Variants in ASB16 observed in about 807,000 individuals in gnomAD.
The protein encoded by ASB16 is ankyrin repeat and SOCS box containing 16.
Under a neutral mutation model 39.1 loss-of-function variants are expected in ASB16, and 44 were observed. The observed-to-expected ratio is 1.13, with a 90% CI of 0.88 to 1.45. The LOEUF (loss-of-function observed/expected upper bound fraction) is 1.45, where lower values mean the gene tolerates loss of function less well. ASB16 is among the 40% of genes most tolerant of loss of function. The probability of loss-of-function intolerance (pLI) is 0.00; values close to 1 mark genes in which losing one functional copy is unlikely to be tolerated. For missense variants in ASB16, 698 were observed against 634.5 expected (o/e 1.10, Z -1.07); for synonymous variants, 305 against 286.7 (o/e 1.06, Z -0.64).
At chr17:44,172,525 T>C (rs931624332) in intron 2 of ASB16, among the ~76,000 whole-genome samples, 8 of 152,184 alleles carry the variant, frequency 5.3e-5, no homozygotes, top group Non-Finnish European at 7.4e-5. Context: ...CAAGGTCACA[T>C]CTGCTAAGCC....
intron 1 of ASB16, among the ~76,000 whole-genome samples, chr17:44,171,561 T>TCAAAAAAAAA (rs2054242890): frequency 3.4e-4 from 33 of 97,678 alleles, no homozygotes; most frequent in South Asian, 2.9e-3. Context: ...AGACCCTGCC[T>TCAAAAAAAAA]AAAAAAAAAA....
rs752595469 is a variant in ASB16, at chr17:44,171,024, G to A, written c.235G>A (p.Asp79Asn). The stretch of plus-strand genomic sequence containing the variant: ...GCAGCAGGTCCAAGCCCTGTTCCAA[G>A]ATGAAGAGGCCGCCAACATGATTGT... ...NLQQVQALFQ[D>N]EEAANMIVET... is the part of the protein sequence containing the mutation. The change falls in exon 1 of 5, where the codon GAT (aspartate) becomes AAT (asparagine). Residue 79 changes from aspartate to asparagine, a missense_variant. Coordinates refer to ENST00000293414, the MANE Select transcript of ASB16 (RefSeq NM_080863.5). The A allele has an allele frequency of 2.5e-6, 4 of 1,613,962 alleles. No homozygotes were observed. In the Admixed American group the frequency reaches 6.7e-5, roughly 27 times the overall value.
At chr17:44,176,683 G>C (rs781000390) in intron 2 of ASB16, 55 bp from the exon 3 acceptor site, 14 of 1,613,342 alleles carry the variant, frequency 8.7e-6, no homozygotes, top group African/African-American at 1.3e-5. Context: ...ACAGCAAGCT[G>C]AAGGGGTCCC....
Position 44,177,874 on chromosome 17 carries a change from G to A in ASB16, c.1176+152G>A, listed in dbSNP as rs79692306. ...TGGGTTTCAGGGTACCCCCTCCCCC[G>A]GTACCCCAGGCTGACCCCTAACTCC... On this transcript the variant is annotated intron_variant, in intron 4 of 4. Coordinates refer to ENST00000293414, the MANE Select transcript of ASB16 (RefSeq NM_080863.5). The A allele has an allele frequency of 2.7e-3, 3,038 of 1,107,500 alleles. 58 individuals are homozygous for A. In the African/African-American group the frequency reaches 0.042, roughly 15 times the overall value. The allele number at this position is 1,107,500 out of a possible 1,614,324, so 68.6% of individuals were successfully genotyped here.
rs755941532 is a variant in ASB16 at position 44,176,787 on chromosome 17, G to A, written c.619G>A (p.Gly207Ser). Residue 207 changes from glycine to serine, a missense_variant, in exon 3 of 5, where the codon GGC becomes AGC. Gly to Ser is a moderately conservative substitution (Grantham distance 56). Transcript: ENST00000293414. ...AGGAGCGACGGTGAACCTGGCAGCA[G>A]GCGAGAGCCAGGAGACGCCCCTGCA... ...EAGATVNLAAGESQETPLHVA... is the reference protein window; with the variant it reads ...EAGATVNLAASESQETPLHVA... 4 of 1,613,948 alleles carry A rather than the reference G, an allele frequency of 2.5e-6. No homozygotes were observed. The South Asian group carries it at 4.4e-5, about 18-fold the overall frequency.
In ASB16 at chr17:44,172,120, TG is replaced by T. The variant is rs996161207; in HGVS notation, c.377del (p.Cys126LeufsTer5). ...AIATARGYTD[C>X]ARHLIRQGAE... ...CGCTACAGCCCGAGGCTACACAGAC[TG>T]TGCTCGACACCTGATCCGGCAGGGA... On this transcript the variant is annotated frameshift_variant, in exon 2 of 5. Transcript: ENST00000293414. LOFTEE classifies it high-confidence loss of function. 1.9e-6 allele frequency: 3 copies of T among 1,611,550 alleles called. No individual in the cohort carries two copies. Among genetic ancestry groups the T allele is most frequent in the Non-Finnish European group, 2.5e-6 (3 of 1,179,948 alleles).
intron 2 of ASB16, among the ~76,000 whole-genome samples, chr17:44,173,101 A>C (rs1479399472): frequency 6.8e-6 from 1 of 147,834 alleles, no homozygotes; most frequent in East Asian, 2.0e-4. Flanking sequence ...AAAAAAAAAA[A>C]AAAAAAGCCG....
Position 44,178,400 on chromosome 17 carries a change from C to G in ASB16, c.*10C>G. ...GGGGTGCATCCAGTGAACCCCATGT[C>G]AGGCTGTCCCATGGTGTGTTCTGCC... On this transcript the variant is annotated 3_prime_UTR_variant, in exon 5 of 5. Transcript: ENST00000293414. 6.3e-7 allele frequency: 1 copy of G among 1,575,168 alleles called. No individual in the cohort carries two copies. The highest frequency in any genetic ancestry group is 1.8e-4 in the Middle Eastern group (1 of 5,600).
At chr17:44,177,487 G>C in intron 3 of ASB16, 122 bp from the exon 4 acceptor site, 1 of 1,321,940 alleles carries the variant, frequency 7.6e-7, no homozygotes, top group Non-Finnish European at 1.0e-6. Context: ...ACAAAAAAGG[G>C]AAGAGAGACT....
Position 44,177,049 on chromosome 17 carries a change from A to G in ASB16, c.881A>G (p.Asn294Ser), listed in dbSNP as rs7212854. The G allele has an allele frequency of 0.29, 422,358 of 1,473,536 alleles. 66,355 individuals are homozygous for G. The highest frequency in any genetic ancestry group is 0.64 in the East Asian group (23,328 of 36,260). 91.3% of individuals were successfully genotyped at this position (1,473,536 alleles called of 1,614,324 possible). A position where few individuals can be genotyped will look rare whatever the true frequency, so the allele number is the denominator to read the frequency against. Residue 294 changes from asparagine (N) to serine (S), a missense_variant, in exon 3 of 5, where the codon AAC becomes AGC. Physicochemically the swap from Asn to Ser is conservative, Grantham distance 46. Transcript: ENST00000293414. Reference sequence around the variant, plus strand: ...ACGCCGCTGCACAACGCTTGTGCCAACGGCTGCGGGGGCCTGGCCGAGCTG... The same window carrying G: ...ACGCCGCTGCACAACGCTTGTGCCAGCGGCTGCGGGGGCCTGGCCGAGCTG... Reference protein sequence around the residue: ...RHTPLHNACANGCGGLAELLL... With the variant: ...RHTPLHNACASGCGGLAELLL...
intron 2 of ASB16, among the ~76,000 whole-genome samples, chr17:44,174,099 G>A (rs2144183341): frequency 6.7e-6 from 1 of 149,896 alleles, no homozygotes; most frequent in Non-Finnish European, 1.5e-5. Flanking sequence ...GAGTGTAGTG[G>A]CCCGATCTCG....
chr17:44,176,742 G>A lies in ASB16; in HGVS notation c.574G>A (p.Ala192Thr), dbSNP rs1433645325. Residue 192 changes from alanine (A) to threonine (T), a missense_variant, in exon 3 of 5, where the codon GCC (alanine) becomes ACC (threonine). By Grantham distance (58) the Ala-to-Thr change is moderately conservative. Transcript: ENST00000293414. ...ACCTTGCTCTCTTGTCCCCAGGTGC[G>A]CCAAGTTGCTGCTGGAAGCAGGAGC... ...LCTIPESLQCAKLLLEAGATV... is the reference protein window; with the variant it reads ...LCTIPESLQCTKLLLEAGATV... 8.1e-6 allele frequency: 13 copies of A among 1,613,880 alleles called. No individual in the cohort carries two copies. Among genetic ancestry groups the A allele is most frequent in the Admixed American group, 1.7e-5 (1 of 60,008 alleles).
chr17:44,178,655 A>G lies in ASB16; in HGVS notation c.*265A>G. The G allele has an allele frequency of 2.1e-6, 1 of 487,380 alleles. No homozygotes were observed. Among genetic ancestry groups the G allele is most frequent in the Admixed American group, 3.7e-5 (1 of 26,710 alleles). 30.2% of individuals were successfully genotyped at this position (487,380 alleles called of 1,614,324 possible). A position where few individuals can be genotyped will look rare whatever the true frequency, so the allele number is the denominator to read the frequency against. ...ACCTGGCTGATTTTGTATTTTTAGT[A>G]GAGACAGGGTCTCACCATGTTGGCC... On this transcript the variant is annotated 3_prime_UTR_variant, in exon 5 of 5. Transcript: ENST00000293414.
In ASB16 at chr17:44,172,249, G is replaced by T; in HGVS notation, c.505G>T (p.Ala169Ser). The change falls in exon 2 of 5, where the codon GCT becomes TCT. Residue 169 changes from alanine (A) to serine (S), a missense_variant. By Grantham distance (99) the Ala-to-Ser change is moderately conservative. Coordinates refer to ENST00000293414, the MANE Select transcript of ASB16 (RefSeq NM_080863.5). ...VRLLLTFGAK[A>S]NVLTEEGTTP... Reference sequence around the variant, plus strand: ...GCTGCTGCTGACCTTCGGAGCCAAGGCTAATGTGCTGACTGAGGAGGGCAC... The same window carrying T: ...GCTGCTGCTGACCTTCGGAGCCAAGTCTAATGTGCTGACTGAGGAGGGCAC... The T allele has an allele frequency of 1.2e-6, 2 of 1,613,816 alleles. No individual in the cohort carries two copies. The highest frequency in any genetic ancestry group is 1.7e-6 in the Non-Finnish European group (2 of 1,180,046).
In ASB16 at chr17:44,175,596, A is replaced by G. The variant is rs76327320; in HGVS notation, c.570-1142A>G. Reference sequence around the variant, plus strand: ...CCATTTTGGGAAAGGGTATTTGATTATCAGAGTTTCATCGAGGATGGTGGA... The same window carrying G: ...CCATTTTGGGAAAGGGTATTTGATTGTCAGAGTTTCATCGAGGATGGTGGA... On this transcript the variant is annotated intron_variant, in intron 2 of 4. Transcript: ENST00000293414. Among the ~76,000 whole-genome samples the G allele has an allele frequency of 1.5e-3, 224 of 152,252 alleles. 5 individuals carry two copies. The East Asian group carries it at 0.031, about 21-fold the overall frequency.
In ASB16 at chr17:44,172,061, C is replaced by T. The variant is rs778143490; in HGVS notation, c.317C>T (p.Thr106Ile). 2 of 1,612,274 alleles carry T rather than the reference C, an allele frequency of 1.2e-6. No homozygotes were observed. Among genetic ancestry groups the T allele is most frequent in the South Asian group, 1.1e-5 (1 of 91,050 alleles). The change falls in exon 2 of 5, where the codon ACC becomes ATC. Residue 106 changes from threonine (T) to isoleucine (I), a missense_variant. Thr to Ile is a moderately conservative substitution (Grantham distance 89). Coordinates refer to ENST00000293414, the MANE Select transcript of ASB16 (RefSeq NM_080863.5). ...CTCTCCCTAGGGTTCTGGGTGCTGA[C>T]CCCCAAGACCAAGCAGACGGCACCC... ...WSAEQGFWVL[T>I]PKTKQTAPLA... is the part of the protein sequence containing the mutation.
rs1396370212 is a variant in ASB16, at chr17:44,176,883, C to T, written c.715C>T (p.Arg239Cys). ...GGAGCATGGCGCCGACGTGGGCCTG[C>T]GCACCAGCCAGGGCGAGACTGCGCT... is the stretch of plus-strand genomic sequence containing the variant. ...YLEHGADVGL[R>C]TSQGETALNT... The change falls in exon 3 of 5, where the codon CGC (arginine) becomes TGC (cysteine). Residue 239 changes from arginine to cysteine, a missense_variant. By Grantham distance (180) the Arg-to-Cys change is radical. Transcript: ENST00000293414. The T allele has an allele frequency of 1.9e-6, 3 of 1,602,966 alleles. No individual in the cohort carries two copies. Among genetic ancestry groups the T allele is most frequent in the African/African-American group, 1.3e-5 (1 of 74,632 alleles).
In ASB16 at chr17:44,177,006, G is replaced by A; in HGVS notation, c.838G>A (p.Ala280Thr). The A allele has an allele frequency of 6.7e-7, 1 of 1,488,878 alleles. No individual in the cohort carries two copies. Among genetic ancestry groups the A allele is most frequent in the Admixed American group, 2.4e-5 (1 of 41,012 alleles). The allele number at this position is 1,488,878 out of a possible 1,614,324, so 92.2% of individuals were successfully genotyped here. Reference sequence around the variant, plus strand: ...GGAGGCTGGAGCTGATGCCCGGGCGGCCGGGCGCAAGCGCCACACGCCGCT... The same window carrying A: ...GGAGGCTGGAGCTGATGCCCGGGCGACCGGGCGCAAGCGCCACACGCCGCT... The part of the protein sequence containing the change: ...LLEAGADARA[A>T]GRKRHTPLHN... Residue 280 changes from alanine to threonine, a missense_variant, in exon 3 of 5, where the codon GCC becomes ACC. By Grantham distance (58) the Ala-to-Thr change is moderately conservative. Coordinates refer to ENST00000293414, the MANE Select transcript of ASB16 (RefSeq NM_080863.5).
intron 2 of ASB16, among the ~76,000 whole-genome samples, chr17:44,173,676 T>C (rs753112601): frequency 4.6e-5 from 7 of 151,674 alleles, no homozygotes; most frequent in Non-Finnish European, 7.4e-5. Flanking sequence ...AAAAATAAAA[T>C]TAGCCGGGCA....
Sources: allele counts gnomAD v4.1 joint callset (sites outside exome capture counted in the v4.1 genomes callset), GRCh38; gene constraint gnomAD v4.1.1; transcripts MANE v1.5; gene names NCBI Gene and HGNC (gene_info 2026-07-23, HGNC 2026-07-21).